The following COL4A3 variants were observed in gnomAD, a reference collection of about 807,000 sequenced individuals.
The protein encoded by COL4A3 is collagen type IV alpha 3 chain.
A neutral mutation model predicts 217.4 loss-of-function variants in COL4A3; 135 were observed. The observed-to-expected ratio is 0.62, with a 90% CI of 0.54 to 0.72. The LOEUF (loss-of-function observed/expected upper bound fraction) is 0.72, where lower values mean the gene tolerates loss of function less well. Among genes scored for constraint, COL4A3 ranks in the 30% least tolerant of loss-of-function variants. COL4A3 has a pLI of 0.00. For missense variants in COL4A3, 1,868 were observed against 2,119.9 expected (o/e 0.88, Z 2.33); for synonymous variants, 690 against 736.3 (o/e 0.94, Z 1.02).
chr2:227,233,376 T>C (rs79414285), intron 1 of COL4A3, among the ~76,000 whole-genome samples: 1,789 of 152,046 alleles, frequency 0.012, 33 homozygotes, highest in African/African-American at 0.041. Context: ...GATGGTGCAC[T>C]GTGGGTGTGA....
intron 47 of COL4A3, among the ~76,000 whole-genome samples, chr2:227,306,954 G>A (rs575093289): frequency 1.4e-4 from 21 of 152,160 alleles, no homozygotes; most frequent in Admixed American, 1.2e-3. Context: ...AATAATAGCC[G>A]TTCAATGAAA....
At chr2:227,195,673 G>A (rs1247105679) in intron 1 of COL4A3, among the ~76,000 whole-genome samples, 1 of 149,296 alleles carries the variant, frequency 6.7e-6, no homozygotes, top group Non-Finnish European at 1.5e-5. Context: ...ATATATGTGT[G>A]TGTGTGTGTG....
At chr2:227,248,020 A>G (rs2069454806) in intron 8 of COL4A3, among the ~76,000 whole-genome samples, 1 of 151,912 alleles carries the variant, frequency 6.6e-6, no homozygotes, top group African/African-American at 2.4e-5. Context: ...GCTCACTGCA[A>G]CCTCCACCTC....
At chr2:227,244,265 T>C (rs2069187194) in intron 3 of COL4A3, 55 bp from the exon 4 acceptor site, 1 of 1,511,222 alleles carries the variant, frequency 6.6e-7, no homozygotes, top group Non-Finnish European at 9.2e-7. Flanking sequence ...TATGGGTTTC[T>C]TAGTGCCAAA....
At chr2:227,240,003 T>G in intron 2 of COL4A3, 140 bp from the exon 3 acceptor site, 1 of 827,646 alleles carries the variant, frequency 1.2e-6, no homozygotes, top group Non-Finnish European at 2.0e-6. Context: ...GAGTGCTAAT[T>G]ATGATTTTTT....
chr2:227,174,090 A>G (rs2065589630), intron 1 of COL4A3, among the ~76,000 whole-genome samples: 1 of 152,374 alleles, frequency 6.6e-6, no homozygotes, highest in East Asian at 1.9e-4. Flanking sequence ...AGTTGTGCAT[A>G]AATATCTGTG....
At chr2:227,280,830 GT>G in intron 30 of COL4A3, 62 bp from the exon 31 acceptor site, 1 of 1,231,792 alleles carries the variant, frequency 8.1e-7, no homozygotes, top group Non-Finnish European at 1.2e-6. Flanking sequence ...AGAATGACTG[GT>G]ACAGCAATAC....
rs1355287015 is a variant in COL4A3 at position 227,282,753 on chromosome 2, T to G, written c.2656+221T>G. On this transcript the variant is annotated intron_variant, in intron 32 of 51. Coordinates refer to ENST00000396578, the MANE Select transcript of COL4A3 (RefSeq NM_000091.5). This position sits in a 1 kb window ranked among gnomAD's most constrained non-coding sequence, Gnocchi z 4.4. ...GTGGCTATTTTTGCTGTGTAATCCTTTTTATATACGACTACTATAATATAC... is the reference window on the plus strand; with the variant it reads ...GTGGCTATTTTTGCTGTGTAATCCTGTTTATATACGACTACTATAATATAC... 1.3e-5 allele frequency among the ~76,000 whole-genome samples: 2 copies of G among 152,178 alleles called. No individual in the cohort carries two copies. Among genetic ancestry groups the G allele is most frequent in the Non-Finnish European group, 2.9e-5 (2 of 68,014 alleles).
chr2:227,263,303 T>C (rs2070704174), intron 20 of COL4A3, among the ~76,000 whole-genome samples: 1 of 152,190 alleles, frequency 6.6e-6, no homozygotes, highest in African/African-American at 2.4e-5. Context: ...TAGGGTGGGG[T>C]TCGTGCCACC....
chr2:227,234,984 T>C (rs2068611696), intron 1 of COL4A3, among the ~76,000 whole-genome samples: 2 of 152,048 alleles, frequency 1.3e-5, no homozygotes, highest in African/African-American at 2.4e-5. Flanking sequence ...AGTGGCCGGC[T>C]TCCTCCGTGC....
intron 1 of COL4A3, among the ~76,000 whole-genome samples, chr2:227,215,988 T>A (rs1195156642): frequency 1.3e-5 from 2 of 152,162 alleles, no homozygotes; most frequent in Non-Finnish European, 2.9e-5. Context: ...AAAAGACAAA[T>A]ACTGCACGAT....
At chr2:227,254,591 TA>T (rs1489873538) in intron 14 of COL4A3, 64 bp from the exon 15 acceptor site, 1 of 1,253,034 alleles carries the variant, frequency 8.0e-7, no homozygotes, top group African/African-American at 1.5e-5. Context: ...GACAAATTAA[TA>T]AAAATCAATG....
chr2:227,267,456 C>A (rs1387588389), intron 23 of COL4A3, among the ~76,000 whole-genome samples: 1 of 152,170 alleles, frequency 6.6e-6, no homozygotes, highest in Non-Finnish European at 1.5e-5. Context: ...AGACACAACC[C>A]TACTCAGTCC....
At chr2:227,194,296 A>C (rs1238273234) in intron 1 of COL4A3, among the ~76,000 whole-genome samples, 1 of 152,196 alleles carries the variant, frequency 6.6e-6, no homozygotes. Flanking sequence ...TCAACAGACA[A>C]GTTATTTCCA....
chr2:227,231,291 C>G (rs995861619), intron 1 of COL4A3, among the ~76,000 whole-genome samples: 2 of 152,234 alleles, frequency 1.3e-5, no homozygotes, highest in African/African-American at 2.4e-5. Flanking sequence ...GCAATAGCAG[C>G]TCAGAGCTGG....
rs1369261794 is a variant in COL4A3 at position 227,279,779 on chromosome 2, T to C, written c.2126-14T>C. The stretch of plus-strand genomic sequence containing the variant: ...ACTAATCCTACAACAATGTTTATTG[T>C]TTTTTCTCTGTAGGAGACCAAGGTT... On this transcript the variant is annotated splice_polypyrimidine_tract_variant and intron_variant, in intron 28 of 51. Transcript: ENST00000396578. 6.4e-7 allele frequency: 1 copy of C among 1,571,646 alleles called. No homozygotes were observed. Among genetic ancestry groups the C allele is most frequent in the African/African-American group, 1.3e-5 (1 of 74,226 alleles).
intron 7 of COL4A3, 96 bp from the exon 8 acceptor site, chr2:227,247,462 G>C (rs1227637935): frequency 8.9e-7 from 1 of 1,118,730 alleles, no homozygotes; most frequent in Non-Finnish European, 1.4e-6. Flanking sequence ...GTACAGTGGG[G>C]AGAGGATACA....
intron 1 of COL4A3, among the ~76,000 whole-genome samples, chr2:227,168,885 T>A (rs1370662075): frequency 7.3e-6 from 1 of 137,514 alleles, no homozygotes; most frequent in Non-Finnish European, 1.6e-5. Flanking sequence ...TTTTTTTTCT[T>A]TTTTTTATTT....
intron 36 of COL4A3, among the ~76,000 whole-genome samples, chr2:227,290,508 CCAA>C (rs1473172172): frequency 6.6e-6 from 1 of 151,804 alleles, no homozygotes; most frequent in Non-Finnish European, 1.5e-5. Flanking sequence ...TCAAAAAAAA[CCAA>C]CAACAACAAA....
Sources: gnomAD v4.1 joint callset for allele counts (sites outside exome capture counted in the v4.1 genomes callset) on GRCh38, gnomAD v4.1.1 for gene constraint, Gnocchi (gnomAD v3.1) non-coding constraint, MANE v1.5 for transcripts, NCBI Gene and HGNC (gene_info 2026-07-23, HGNC 2026-07-21) for gene names.